AP4S1: variants seen among roughly 807,000 people sequenced by gnomAD.
AP4S1 encodes the protein adaptor related protein complex 4 subunit sigma 1, also known as AP-4 complex subunit sigma-1.
In AP4S1, 23 loss-of-function variants were observed where a neutral mutation model predicts 19.8. The ratio of observed to expected loss-of-function variants is 1.16; its 90% CI spans 0.84 to 1.65. AP4S1 has a LOEUF of 1.65. Among genes scored for constraint, AP4S1 ranks in the 40% most tolerant of loss-of-function variants. The pLI, the probability that AP4S1 is intolerant of heterozygous loss-of-function variation, is 0.00. For synonymous variants in AP4S1, 46 were observed against 54.1 expected (o/e 0.85, Z 0.66); for missense variants, 166 against 172.8 (o/e 0.96, Z 0.22).
chr14:31,091,293 T>C (rs1888069658), intron 5 of AP4S1, among the ~76,000 whole-genome samples: 1 of 152,164 alleles, frequency 6.6e-6, no homozygotes, highest in Non-Finnish European at 1.5e-5. Flanking sequence ...TTAGTGAATA[T>C]AACAGGAAGG....
intron 3 of AP4S1, among the ~76,000 whole-genome samples, chr14:31,070,403 A>G (rs915484881): frequency 1.3e-5 from 2 of 152,014 alleles, no homozygotes; most frequent in Admixed American, 1.3e-4. Flanking sequence ...CCCAAGCCCA[A>G]CTTATTTTTT....
chr14:31,049,427 AAATATATATAT>A (rs1416266789), intron 1 of AP4S1, among the ~76,000 whole-genome samples: 31 of 32,968 alleles, frequency 9.4e-4, no homozygotes, highest in Middle Eastern at 0.016. Flanking sequence ...AAAAAAAAAA[AAATATATATAT>A]ATATATATAT....
At chr14:31,082,367 T>A (rs933221676) in intron 5 of AP4S1, among the ~76,000 whole-genome samples, 21 of 152,236 alleles carry the variant, frequency 1.4e-4, no homozygotes, top group Non-Finnish European at 2.2e-4. Flanking sequence ...ACATGTAATA[T>A]TCTATCTGAA....
At position 31,066,323 on chromosome 14, in the gene AP4S1, T is replaced by G; in HGVS notation, c.127T>G (p.Ser43Ala). 6.2e-7 allele frequency: 1 copy of G among 1,613,990 alleles called. No individual in the cohort carries two copies. The highest frequency in any genetic ancestry group is 8.5e-7 in the Non-Finnish European group (1 of 1,179,928). Residue 43 changes from serine (S) to alanine (A), a missense_variant, in exon 2 of 6, where the codon TCC becomes GCC. Physicochemically the swap from Ser to Ala is moderately conservative, Grantham distance 99 (BLOSUM62 1). Transcript: ENST00000542754. ...TEVIKSCLSR[S>A]NEQCSFIEYK... is the part of the protein sequence containing the mutation. ...AGTCATAAAGAGCTGTCTCTCTCGATCCAATGAACAAGTAAGTCTCTGGTT... is the reference window on the plus strand; with the variant it reads ...AGTCATAAAGAGCTGTCTCTCTCGAGCCAATGAACAAGTAAGTCTCTGGTT...
At chr14:31,066,382 G>C (rs750260851) in intron 2 of AP4S1, 48 bp downstream of exon 2, 1 of 1,611,864 alleles carries the variant, frequency 6.2e-7, no homozygotes, top group Admixed American at 1.7e-5. Flanking sequence ...CTCAGCCTTG[G>C]CAGATTTGTT....
chr14:31,048,539 C>CAACAT (rs1012677658), intron 1 of AP4S1, among the ~76,000 whole-genome samples: 1 of 152,040 alleles, frequency 6.6e-6, no homozygotes, highest in African/African-American at 2.4e-5. Context: ...CCTGCCTGGA[C>CAACAT]AACATGGCAA....
intron 1 of AP4S1, among the ~76,000 whole-genome samples, chr14:31,039,737 C>T (rs1275179730): frequency 3.3e-5 from 5 of 151,296 alleles, no homozygotes; most frequent in East Asian, 2.0e-4. Flanking sequence ...ACTACAGGCG[C>T]GCGCCACCAT....
At chr14:31,057,264 A>G (rs1044180319) in intron 1 of AP4S1, among the ~76,000 whole-genome samples, 3 of 152,168 alleles carry the variant, frequency 2.0e-5, no homozygotes, top group African/African-American at 4.8e-5. Flanking sequence ...TGACAAATAT[A>G]AGGTGCATAT....
At chr14:31,034,585 C>T (rs372961840) in intron 1 of AP4S1, among the ~76,000 whole-genome samples, 1 of 150,458 alleles carries the variant, frequency 6.6e-6, no homozygotes, top group East Asian at 1.9e-4. Context: ...GCCACTACAC[C>T]TGTGCCTAGA....
intron 1 of AP4S1, among the ~76,000 whole-genome samples, chr14:31,035,248 G>A (rs1884664770): frequency 7.5e-6 from 1 of 133,034 alleles, no homozygotes; most frequent in South Asian, 2.4e-4. Context: ...AGGCTGGAGT[G>A]CAGTGGTGCG....
In AP4S1 at chr14:31,066,238, T is replaced by C. The variant is rs1293856064; in HGVS notation, c.42T>C (p.Thr14=). The C allele has an allele frequency of 6.2e-7, 1 of 1,613,918 alleles. No individual in the cohort carries two copies. Among genetic ancestry groups the C allele is most frequent in the East Asian group, 2.2e-5 (1 of 44,850 alleles). Reference sequence around the variant, plus strand: ...TCATGGTGAATAAACAAGGGCAGACTCGACTTTCTAAGTACTATGAACATG... The same window carrying C: ...TCATGGTGAATAAACAAGGGCAGACCCGACTTTCTAAGTACTATGAACATG... ...FFLMVNKQGQ[T]RLSKYYEHVD... Residue 14 remains threonine (T), a synonymous_variant, in exon 2 of 6, where the codon ACT becomes ACC. Coordinates refer to ENST00000542754, the MANE Select transcript of AP4S1 (RefSeq NM_001128126.3).
At chr14:31,065,464 T>C (rs899726596) in intron 1 of AP4S1, among the ~76,000 whole-genome samples, 4 of 142,760 alleles carry the variant, frequency 2.8e-5, no homozygotes, top group African/African-American at 1.1e-4. Context: ...CTTTGCTAGA[T>C]GTAAAAATCA....
chr14:31,035,193 CT>C (rs11393950), intron 1 of AP4S1, among the ~76,000 whole-genome samples: 77 of 103,652 alleles, frequency 7.4e-4, no homozygotes, highest in Admixed American at 3.2e-3. Context: ...ATGGTAATTC[CT>C]TTTTTTTTTT....
intron 1 of AP4S1, among the ~76,000 whole-genome samples, chr14:31,049,060 C>T (rs781601423): frequency 6.6e-6 from 1 of 151,502 alleles, no homozygotes; most frequent in Non-Finnish European, 1.5e-5. Context: ...ACCAGCCTGG[C>T]CAACATGGTG....
At chr14:31,042,367 C>T (rs974253058) in intron 1 of AP4S1, among the ~76,000 whole-genome samples, 2 of 152,150 alleles carry the variant, frequency 1.3e-5, no homozygotes, top group African/African-American at 2.4e-5. Flanking sequence ...GCAACAACAG[C>T]ACACACAAAC....
chr14:31,051,255 C>CAA (rs1187415787), intron 1 of AP4S1, among the ~76,000 whole-genome samples: 15 of 113,864 alleles, frequency 1.3e-4, no homozygotes, highest in African/African-American at 3.6e-4. Context: ...AACCGTGTCT[C>CAA]AAAAAAAAAA....
At chr14:31,064,149 G>T (rs915008606) in intron 1 of AP4S1, among the ~76,000 whole-genome samples, 2 of 152,212 alleles carry the variant, frequency 1.3e-5, no homozygotes, top group Non-Finnish European at 2.9e-5. Flanking sequence ...ACCCCTGAAT[G>T]AGGAGGATGA....
chr14:31,053,602 T>C (rs952414508), intron 1 of AP4S1, among the ~76,000 whole-genome samples: 10 of 133,830 alleles, frequency 7.5e-5, no homozygotes, highest in East Asian at 4.3e-4. Context: ...TTTTTTTTTT[T>C]TTTTTTTTTT....
At chr14:31,035,063 A>G (rs1411868888) in intron 1 of AP4S1, among the ~76,000 whole-genome samples, 1 of 152,188 alleles carries the variant, frequency 6.6e-6, no homozygotes, top group African/African-American at 2.4e-5. Context: ...TGTTTAACGT[A>G]AATACCAGAC....
Sources: allele counts gnomAD v4.1 joint callset (sites outside exome capture counted in the v4.1 genomes callset), GRCh38; gene constraint gnomAD v4.1.1; transcripts MANE v1.5; gene names NCBI Gene and HGNC (gene_info 2026-07-23, HGNC 2026-07-21).